CACNA2D2: variants seen among roughly 807,000 people sequenced by gnomAD.
CACNA2D2 encodes the protein calcium voltage-gated channel auxiliary subunit alpha2delta 2, also known as voltage-dependent calcium channel subunit alpha-2/delta-2.
Under a neutral mutation model 166.4 loss-of-function variants are expected in CACNA2D2, and 48 were observed. The ratio of observed to expected loss-of-function variants is 0.29; its 90% CI spans 0.23 to 0.37. The LOEUF is 0.37. Among genes scored for constraint, CACNA2D2 ranks in the 10% least tolerant of loss-of-function variants. The probability of loss-of-function intolerance (pLI) is 1.00; values close to 1 mark genes in which losing one functional copy is unlikely to be tolerated. For missense variants in CACNA2D2, 1,122 were observed against 1,433.0 expected, an observed-to-expected ratio of 0.78 and a Z score of 3.50; for synonymous variants, 561 against 573.7, an observed-to-expected ratio of 0.98 and a Z score of 0.32.
At chr3:50,468,302 G>T (rs571792313) in intron 2 of CACNA2D2, among the ~76,000 whole-genome samples, 1 of 151,962 alleles carries the variant, frequency 6.6e-6, no homozygotes, top group African/African-American at 2.4e-5. Flanking sequence ...GGCTGAGTTT[G>T]AACTGATCTC....
chr3:50,378,410 T>C, intron 13 of CACNA2D2, 77 bp from the exon 14 acceptor site: 1 of 1,422,014 alleles, frequency 7.0e-7, no homozygotes, highest in Non-Finnish European at 9.7e-7. Flanking sequence ...GCCCCTGGGG[T>C]GTGTCTGCAG....
At chr3:50,383,555 T>C (rs1254349759) in intron 6 of CACNA2D2, among the ~76,000 whole-genome samples, 1 of 152,138 alleles carries the variant, frequency 6.6e-6, no homozygotes, top group Non-Finnish European at 1.5e-5. Flanking sequence ...CTCAAATCCT[T>C]CTAGCTATAG....
At position 50,363,668 on chromosome 3, in the gene CACNA2D2, G is replaced by A. The variant is rs587604371; in HGVS notation, c.*998C>T. The A allele has an allele frequency of 2.1e-4, 36 of 171,878 alleles. No individual in the cohort carries two copies. The highest frequency in any genetic ancestry group is 6.3e-4 in the Admixed American group (10 of 15,756). 10.6% of individuals were successfully genotyped at this position (171,878 alleles called of 1,614,324 possible). A position where few individuals can be genotyped will look rare whatever the true frequency, so the allele number is the denominator to read the frequency against. On this transcript the variant is annotated 3_prime_UTR_variant, in exon 38 of 38. Transcript: ENST00000424201. ...AGGCAAAGGGTGATGTCTGGTGGGG[G>A]TTCCTCTGCCGAAAGGTGCAGGCAG...
intron 3 of CACNA2D2, among the ~76,000 whole-genome samples, chr3:50,409,475 G>C (rs912787824): frequency 6.6e-6 from 1 of 152,376 alleles, no homozygotes; most frequent in South Asian, 2.1e-4. Context: ...TGCACCTGCA[G>C]AGCCCCTGTA....
At chr3:50,370,491 G>T (rs1704598276) in intron 22 of CACNA2D2, 111 bp from the exon 23 acceptor site, 1 of 425,054 alleles carries the variant, frequency 2.4e-6, no homozygotes. Context: ...GAGGGAGGGG[G>T]AGACACCAGC....
Position 50,363,096 on chromosome 3 carries a change from T to C in CACNA2D2, c.*1570A>G, listed in dbSNP as rs1704020402. Reference sequence around the variant, plus strand: ...CTGATGGGGATTGTTTTGTCTGTTTTTCTGTTTTTTAAACTTAAAATATAT... The same window carrying C: ...CTGATGGGGATTGTTTTGTCTGTTTCTCTGTTTTTTAAACTTAAAATATAT... On this transcript the variant is annotated 3_prime_UTR_variant, in exon 38 of 38. Transcript: ENST00000424201. 2 of 398,590 alleles carry C rather than the reference T, an allele frequency of 5.0e-6. No individual in the cohort carries two copies. The highest frequency in any genetic ancestry group is 8.8e-6 in the Non-Finnish European group (2 of 226,054). The allele number at this position is 398,590 out of a possible 1,614,324, so 24.7% of individuals were successfully genotyped here.
chr3:50,382,420 C>T (rs587724432), intron 6 of CACNA2D2, among the ~76,000 whole-genome samples: 1 of 152,334 alleles, frequency 6.6e-6, no homozygotes, highest in South Asian at 2.1e-4. Context: ...GGCCCTGGGG[C>T]ACTGACACAC....
chr3:50,396,839 C>T (rs1706182016), intron 3 of CACNA2D2, among the ~76,000 whole-genome samples: 1 of 152,172 alleles, frequency 6.6e-6, no homozygotes, highest in Non-Finnish European at 1.5e-5. Flanking sequence ...AGGCCCCTGT[C>T]CTTCCCCAGG....
chr3:50,445,438 T>A (rs1377606733), intron 2 of CACNA2D2, among the ~76,000 whole-genome samples: 3 of 152,206 alleles, frequency 2.0e-5, no homozygotes, highest in Admixed American at 1.3e-4. Context: ...CTGGGCCATC[T>A]CATTTACCTC....
At chr3:50,463,003 GCCT>G (rs1709661407) in intron 2 of CACNA2D2, among the ~76,000 whole-genome samples, 1 of 152,118 alleles carries the variant, frequency 6.6e-6, no homozygotes, top group South Asian at 2.1e-4. Context: ...CCAGCCTCTG[GCCT>G]CAGGACAGTG....
chr3:50,378,241 A>G, intron 14 of CACNA2D2, 43 bp downstream of exon 14: 1 of 1,554,430 alleles, frequency 6.4e-7, no homozygotes, highest in Non-Finnish European at 8.7e-7. Flanking sequence ...GCGTCCCTGC[A>G]GGGAAGCCAG....
chr3:50,368,945 G>A (rs1260028314), intron 23 of CACNA2D2, among the ~76,000 whole-genome samples: 1 of 152,168 alleles, frequency 6.6e-6, no homozygotes, highest in Non-Finnish European at 1.5e-5. Context: ...TCTCTCGCTC[G>A]ACCCCTCATT....
intron 3 of CACNA2D2, among the ~76,000 whole-genome samples, chr3:50,409,020 C>T (rs959143792): frequency 3.3e-5 from 5 of 152,234 alleles, no homozygotes; most frequent in African/African-American, 4.8e-5. Context: ...GCTTAGCCCC[C>T]GACCTCCTCA....
chr3:50,438,909 T>A lies in CACNA2D2; in HGVS notation c.289-4480A>T, dbSNP rs1215396517. ...CAGGAACAGCCCTGTTTGCCCCGAG[T>A]GTTAGCTCTGGCTGCTCTGGGGCAG... On this transcript the variant is annotated intron_variant, in intron 2 of 37. Transcript: ENST00000424201. Among the ~76,000 whole-genome samples, 5 of 152,042 alleles carry A rather than the reference T, an allele frequency of 3.3e-5. No individual in the cohort carries two copies. In the East Asian group the frequency reaches 9.7e-4, roughly 29 times the overall value.
intron 6 of CACNA2D2, among the ~76,000 whole-genome samples, chr3:50,382,277 A>T (rs1705362079): frequency 6.6e-6 from 1 of 152,004 alleles, no homozygotes; most frequent in Admixed American, 6.5e-5. Flanking sequence ...CTTTCTTCCC[A>T]TGTGGAGCCC....
chr3:50,490,057 G>C (rs1698461169), intron 1 of CACNA2D2, among the ~76,000 whole-genome samples: 1 of 152,194 alleles, frequency 6.6e-6, no homozygotes, highest in Non-Finnish European at 1.5e-5. Flanking sequence ...TCAGGAAGCA[G>C]GTCCTGAAAG....
At chr3:50,432,471 G>C (rs1037528422) in intron 3 of CACNA2D2, among the ~76,000 whole-genome samples, 2 of 152,274 alleles carry the variant, frequency 1.3e-5, no homozygotes, top group Admixed American at 1.3e-4. Context: ...AAGCTAGGAA[G>C]TAGTGTGCAA....
chr3:50,366,762 T>C lies in CACNA2D2; in HGVS notation c.2589+69A>G. ...GGTGTTGGAGCCACTGAGTGGAGGG[T>C]TGGTGGGGGTTCCAGGGGACTCCAG... On this transcript the variant is annotated intron_variant, in intron 29 of 37. Coordinates refer to ENST00000424201, the MANE Select transcript of CACNA2D2 (RefSeq NM_006030.4). This position sits in a 1 kb window ranked among gnomAD's most constrained non-coding sequence, Gnocchi z 5.9. 2 of 1,557,892 alleles carry C rather than the reference T, an allele frequency of 1.3e-6. No individual in the cohort carries two copies. Among genetic ancestry groups the C allele is most frequent in the South Asian group, 2.3e-5 (2 of 88,700 alleles).
At chr3:50,417,190 G>A (rs1707305801) in intron 3 of CACNA2D2, among the ~76,000 whole-genome samples, 2 of 152,104 alleles carry the variant, frequency 1.3e-5, no homozygotes, top group African/African-American at 4.8e-5. Context: ...GACTCTTCTG[G>A]TGTAGACACA....
Sources: gnomAD v4.1 joint callset for allele counts (sites outside exome capture counted in the v4.1 genomes callset) on GRCh38, gnomAD v4.1.1 for gene constraint, Gnocchi (gnomAD v3.1) non-coding constraint, MANE v1.5 for transcripts, NCBI Gene and HGNC (gene_info 2026-07-23, HGNC 2026-07-21) for gene names.